GSN: variants seen among roughly 807,000 people sequenced by gnomAD.
GSN encodes the protein gelsolin.
GSN carries 56 observed loss-of-function variants against 85.7 expected under a neutral mutation model. That is an observed-to-expected ratio of 0.65 (90% CI 0.53 to 0.82). GSN has a LOEUF of 0.82. GSN is among the 40% of genes least tolerant of loss of function. The pLI is 0.00. For missense variants in GSN, 857 were observed against 979.8 expected (o/e 0.87, Z 1.67); for synonymous variants, 373 against 399.1 (o/e 0.93, Z 0.78).
chr9:121,327,466 A>G lies in GSN; in HGVS notation c.1746A>G (p.Ala582=), dbSNP rs1254642448. 6.3e-7 allele frequency: 1 copy of G among 1,581,896 alleles called. No homozygotes were observed. Among genetic ancestry groups the G allele is most frequent in the Non-Finnish European group, 8.6e-7 (1 of 1,162,974 alleles). The change falls in exon 14 of 18, where the codon GCA becomes GCG. Residue 582 remains alanine, a synonymous_variant. Coordinates refer to ENST00000432226, the MANE Select transcript of GSN (RefSeq NM_198252.3). The part of the protein sequence containing the change: ...RVLRAQPVQV[A]EGSEPDGFWE... ...TGCGGGCCCAACCTGTGCAGGTGGC[A>G]GAAGGCAGCGAGCCAGGTAGGAGCC...
intron 6 of GSN, among the ~76,000 whole-genome samples, chr9:121,254,691 C>T (rs1375484862): frequency 2.0e-5 from 3 of 152,180 alleles, no homozygotes; most frequent in Admixed American, 6.5e-5. Context: ...AATGAGCACA[C>T]GTAGCAATAT....
At chr9:121,241,187 G>A (rs1008780293) in intron 5 of GSN, among the ~76,000 whole-genome samples, 2 of 152,116 alleles carry the variant, frequency 1.3e-5, no homozygotes, top group African/African-American at 2.4e-5. Context: ...AAGTGCAAAG[G>A]GCATCTATTA....
At chr9:121,325,483 A>G (rs2063044011) in intron 12 of GSN, among the ~76,000 whole-genome samples, 1 of 152,196 alleles carries the variant, frequency 6.6e-6, no homozygotes, top group South Asian at 2.1e-4. Context: ...ACCAGAGGCC[A>G]TAGTGACGAT....
chr9:121,249,227 G>C (rs1455386388), intron 6 of GSN, among the ~76,000 whole-genome samples: 1 of 152,116 alleles, frequency 6.6e-6, no homozygotes, highest in Non-Finnish European at 1.5e-5. Context: ...GGGAGGGTGA[G>C]GCGAGTGGAT....
chr9:121,224,260 C>A (rs1020363493), intron 4 of GSN, among the ~76,000 whole-genome samples: 3 of 151,924 alleles, frequency 2.0e-5, no homozygotes, highest in African/African-American at 7.3e-5. Context: ...CCACGCCCGG[C>A]TAATTTTTTA....
intron 4 of GSN, among the ~76,000 whole-genome samples, chr9:121,303,702 G>T (rs530552187): frequency 6.6e-6 from 1 of 152,326 alleles, no homozygotes; most frequent in African/African-American, 2.4e-5. Flanking sequence ...CTGAGAGCCA[G>T]TTGTACCTGC....
Position 121,317,069 on chromosome 9 carries a change from C to A in GSN, c.754-17C>A. On this transcript the variant is annotated splice_polypyrimidine_tract_variant and intron_variant, in intron 7 of 17. Transcript: ENST00000432226. ...ACAGACACTCATGTGCTGGTTCCTT[C>A]TGCTTCGTCCCCTCAGGTCTCCAAT... The A allele has an allele frequency of 6.2e-7, 1 of 1,614,106 alleles. No homozygotes were observed. Among genetic ancestry groups the A allele is most frequent in the Non-Finnish European group, 8.5e-7 (1 of 1,180,012 alleles).
intron 4 of GSN, among the ~76,000 whole-genome samples, chr9:121,211,138 C>G (rs577246713): frequency 5.9e-5 from 9 of 152,196 alleles, no homozygotes; most frequent in Non-Finnish European, 1.0e-4. Context: ...TACAGAGACA[C>G]AGAAAATTGG....
At chr9:121,319,741 G>T (rs1194351265) in intron 10 of GSN, among the ~76,000 whole-genome samples, 1 of 152,030 alleles carries the variant, frequency 6.6e-6, no homozygotes, top group African/African-American at 2.4e-5. Context: ...TAAGAAAATG[G>T]ATTGGAGGCA....
At chr9:121,215,263 T>C (rs111382403) in intron 4 of GSN, among the ~76,000 whole-genome samples, 2,260 of 147,254 alleles carry the variant, frequency 0.015, 33 homozygotes, top group Non-Finnish European at 0.025. Flanking sequence ...TCCATCTAAG[T>C]TGCATTTGCA....
At chr9:121,319,588 G>A (rs1258851559) in intron 10 of GSN, among the ~76,000 whole-genome samples, 1 of 151,424 alleles carries the variant, frequency 6.6e-6, no homozygotes. Context: ...CCCCCAAAGT[G>A]TTGGAATTAC....
Position 121,321,356 on chromosome 9 carries a change from A to G in GSN, c.1280A>G (p.Tyr427Cys). The part of the protein sequence containing the change: ...FYGGDSYIIL[Y>C]NYRHGGRQGQ... ...GGAGGCGACAGCTACATCATTCTGT[A>G]CAACTACCGCCATGGTGGCCGCCAG... Residue 427 changes from tyrosine to cysteine, a missense_variant, in exon 11 of 18, where the codon TAC becomes TGC. Tyr to Cys is a radical substitution (Grantham distance 194, BLOSUM62 -2). Coordinates refer to ENST00000432226, the MANE Select transcript of GSN (RefSeq NM_198252.3). 6.2e-7 allele frequency: 1 copy of G among 1,614,052 alleles called. No individual in the cohort carries two copies. Among genetic ancestry groups the G allele is most frequent in the Non-Finnish European group, 8.5e-7 (1 of 1,179,926 alleles).
intron 2 of GSN, chr9:121,286,268 C>G: frequency 1.1e-6 from 1 of 892,294 alleles, no homozygotes; most frequent in East Asian, 2.6e-5. Flanking sequence ...AGTCCCGCTC[C>G]TGACTCCTAG....
chr9:121,299,725 AAGATCCGAGAC>A lies in GSN; in HGVS notation c.-9-2231_-9-2221del. ...TCCGGGTGGGAACCCAGATGTCTCC[AAGATCCGAGAC>A]AGATCCCCGCCCCGCGCCCTCCCTG... On this transcript the variant is annotated intron_variant, in intron 2 of 17. Coordinates refer to ENST00000432226, the MANE Select transcript of GSN (RefSeq NM_198252.3). This position sits in a 1 kb window ranked among gnomAD's most constrained non-coding sequence, Gnocchi z 4.2. 1.9e-6 allele frequency: 2 copies of A among 1,046,086 alleles called. No homozygotes were observed. Among genetic ancestry groups the A allele is most frequent in the Non-Finnish European group, 2.4e-6 (2 of 836,402 alleles). The allele number at this position is 1,046,086 out of a possible 1,614,324, so 64.8% of individuals were successfully genotyped here.
chr9:121,247,418 G>T (rs2054722464), intron 5 of GSN, among the ~76,000 whole-genome samples: 1 of 152,186 alleles, frequency 6.6e-6, no homozygotes, highest in African/African-American at 2.4e-5. Flanking sequence ...CCTTCCAACT[G>T]TGCAGCCTCT....
chr9:121,223,254 A>G (rs2054205520), intron 4 of GSN, among the ~76,000 whole-genome samples: 1 of 152,130 alleles, frequency 6.6e-6, no homozygotes, highest in Admixed American at 6.5e-5. Flanking sequence ...ACCAATTCTC[A>G]TTTTAGAGAG....
rs144551136 is a variant in GSN, at chr9:121,302,157, C to T, written c.186C>T (p.His62=). The change falls in exon 3 of 18, where the codon CAC becomes CAT. Residue 62 remains histidine, a synonymous_variant. Transcript: ENST00000432226. The stretch of plus-strand genomic sequence containing the variant: ...ACGGAAATCTGCAGTATGACCTCCA[C>T]TACTGGCTGGGTGAGGCTGGCCCTG... ...LRNGNLQYDL[H]YWLGNECSQD... is the part of the protein sequence containing the mutation. 2.7e-4 allele frequency: 440 copies of T among 1,614,046 alleles called. 1 individual carries two copies. In the African/African-American group the frequency reaches 5.0e-3, roughly 19 times the overall value.
In GSN at chr9:121,302,980, A is replaced by G. The variant is rs777396943; in HGVS notation, c.266A>G (p.Asn89Ser). 3.7e-6 allele frequency: 6 copies of G among 1,613,712 alleles called. No individual in the cohort carries two copies. The Admixed American group carries it at 6.7e-5, about 18-fold the overall frequency. Residue 89 changes from asparagine (N) to serine (S), a missense_variant, in exon 4 of 18, where the codon AAC (asparagine) becomes AGC (serine). Asn to Ser is a conservative substitution (Grantham distance 46, BLOSUM62 1). Transcript: ENST00000432226. ...ACCGTGCAGCTGGATGACTACCTGA[A>G]CGGCCGGGCCGTGCAGCACCGTGAG... ...IFTVQLDDYL[N>S]GRAVQHREVQ...
intron 2 of GSN, among the ~76,000 whole-genome samples, chr9:121,294,251 GT>G (rs1277766145): frequency 6.6e-6 from 1 of 152,192 alleles, no homozygotes; most frequent in Admixed American, 6.5e-5. Flanking sequence ...AGGCCTCCCT[GT>G]CTTGTTGTGG....
Sources: gnomAD v4.1 joint callset for allele counts (sites outside exome capture counted in the v4.1 genomes callset) on GRCh38, gnomAD v4.1.1 for gene constraint, Gnocchi (gnomAD v3.1) non-coding constraint, MANE v1.5 for transcripts, NCBI Gene and HGNC (gene_info 2026-07-23, HGNC 2026-07-21) for gene names.